The following FAF1 variants were observed in gnomAD, a reference collection of about 807,000 sequenced individuals.
FAF1 encodes FAS-associated factor 1.
A neutral mutation model predicts 92.5 loss-of-function variants in FAF1; 25 were observed. The ratio of observed to expected loss-of-function variants is 0.27; its 90% CI spans 0.20 to 0.38. FAF1 has a LOEUF of 0.38. Ranked by LOEUF, FAF1 falls within the 10% of genes least tolerant of loss-of-function variation. The pLI, the probability that FAF1 is intolerant of heterozygous loss-of-function variation, is 1.00. For synonymous variants in FAF1, 234 were observed against 273.2 expected, an observed-to-expected ratio of 0.86 and a Z score of 1.42; for missense variants, 636 against 793.3, an observed-to-expected ratio of 0.80 and a Z score of 2.38.
chr1:50,958,473 C>A (rs1372076857), intron 1 of FAF1, among the ~76,000 whole-genome samples: 1 of 152,046 alleles, frequency 6.6e-6, no homozygotes, highest in Non-Finnish European at 1.5e-5. Context: ...GTCAGGAGAT[C>A]AAGACCATCC....
intron 13 of FAF1, among the ~76,000 whole-genome samples, chr1:50,564,297 T>TTTTTTTTTTTTTTTTTTTTTTTTTTGA (rs1195965167): frequency 6.6e-6 from 1 of 152,036 alleles, no homozygotes; most frequent in Non-Finnish European, 1.5e-5. Flanking sequence ...TAAATTTTTA[T>TTTTTTTTTTTTTTTTTTTTTTTTTTGA]GGCCTGTCTG....
chr1:50,599,595 T>G (rs115432382), intron 8 of FAF1, among the ~76,000 whole-genome samples: 1,987 of 147,694 alleles, frequency 0.013, 43 homozygotes, highest in African/African-American at 0.049. Flanking sequence ...GTAATTTAAT[T>G]TATTTATTAA....
chr1:50,896,272 G>A (rs557235888), intron 1 of FAF1, among the ~76,000 whole-genome samples: 1 of 152,148 alleles, frequency 6.6e-6, no homozygotes, highest in Admixed American at 6.5e-5. Context: ...ATGATAGAGT[G>A]AGACCCTGTC....
At chr1:50,520,287 C>T (rs1647431299) in intron 15 of FAF1, among the ~76,000 whole-genome samples, 2 of 152,114 alleles carry the variant, frequency 1.3e-5, no homozygotes, top group Non-Finnish European at 2.9e-5. Context: ...CCAGATAATT[C>T]TCAGTATCCC....
At chr1:50,852,393 G>T (rs148647654) in intron 2 of FAF1, among the ~76,000 whole-genome samples, 1 of 152,256 alleles carries the variant, frequency 6.6e-6, no homozygotes, top group African/African-American at 2.4e-5. Context: ...TATTCATTAG[G>T]CAATTACTAT....
At chr1:50,829,015 A>T (rs1644129832) in intron 2 of FAF1, among the ~76,000 whole-genome samples, 1 of 152,244 alleles carries the variant, frequency 6.6e-6, no homozygotes, top group African/African-American at 2.4e-5. Context: ...ACAAGACAGC[A>T]TCCCCAAATG....
At chr1:50,834,989 G>C (rs1452543491) in intron 2 of FAF1, among the ~76,000 whole-genome samples, 1 of 152,106 alleles carries the variant, frequency 6.6e-6, no homozygotes, top group Non-Finnish European at 1.5e-5. Flanking sequence ...ACACAGCAAA[G>C]AAAGAAAGAC....
chr1:50,935,285 A>C (rs1196102687), intron 1 of FAF1, among the ~76,000 whole-genome samples: 1 of 152,244 alleles, frequency 6.6e-6, no homozygotes, highest in Non-Finnish European at 1.5e-5. Flanking sequence ...TCTAGGAAGG[A>C]TGATCATTAC....
chr1:50,862,021 G>A (rs1192373937), intron 1 of FAF1, among the ~76,000 whole-genome samples: 1 of 150,794 alleles, frequency 6.6e-6, no homozygotes, highest in African/African-American at 2.4e-5. Flanking sequence ...ACTAAGACAG[G>A]AACCACTTAT....
chr1:50,631,312 T>C (rs959771683), intron 8 of FAF1, among the ~76,000 whole-genome samples: 3 of 152,176 alleles, frequency 2.0e-5, no homozygotes, highest in African/African-American at 7.2e-5. Context: ...CCATACTAAG[T>C]AGCATGAGGA....
At chr1:50,491,386 A>G (rs573805368) in intron 16 of FAF1, among the ~76,000 whole-genome samples, 1 of 152,348 alleles carries the variant, frequency 6.6e-6, no homozygotes, top group Non-Finnish European at 1.5e-5. Flanking sequence ...GTGCTTAAGT[A>G]GTATTCAATA....
chr1:50,505,076 G>A (rs1647043278), intron 15 of FAF1, among the ~76,000 whole-genome samples: 1 of 152,128 alleles, frequency 6.6e-6, no homozygotes, highest in Non-Finnish European at 1.5e-5. Flanking sequence ...TTTGATTAAG[G>A]TAATATATCT....
chr1:50,788,108 C>T lies in FAF1; in HGVS notation c.259G>A (p.Val87Ile), dbSNP rs2124573404. 2 of 1,614,138 alleles carry T rather than the reference C, an allele frequency of 1.2e-6. No individual in the cohort carries two copies. Among genetic ancestry groups the T allele is most frequent in the South Asian group, 1.1e-5 (1 of 91,090 alleles). ...TCTACAATCTGCCTGGATGGCATTA[C>T]AGGTCGAAACGCTGAAGAAGAAGAG... Reference protein sequence around the residue: ...TSSSSSAFRPVMPSRQIVERQ... With the variant: ...TSSSSSAFRPIMPSRQIVERQ... Residue 87 changes from valine (V) to isoleucine (I), a missense_variant, in exon 4 of 19, where the codon GTA becomes ATA. By Grantham distance (29) the Val-to-Ile change is conservative. This residue lies in a region of FAF1 where 317 missense variants were observed against 342.4 expected (regional missense o/e 0.93). Transcript: ENST00000396153.
At chr1:50,863,614 T>C (rs528000930) in intron 1 of FAF1, among the ~76,000 whole-genome samples, 1 of 152,240 alleles carries the variant, frequency 6.6e-6, no homozygotes, top group African/African-American at 2.4e-5. Flanking sequence ...CAGTATTTTA[T>C]TGAGGATTCT....
At chr1:50,715,818 A>G (rs918055846) in intron 6 of FAF1, among the ~76,000 whole-genome samples, 1 of 152,190 alleles carries the variant, frequency 6.6e-6, no homozygotes, top group Non-Finnish European at 1.5e-5. Context: ...CACATTTTTT[A>G]AAAAGGGGAA....
At chr1:50,838,707 T>G (rs1242066641) in intron 2 of FAF1, among the ~76,000 whole-genome samples, 1 of 151,914 alleles carries the variant, frequency 6.6e-6, no homozygotes, top group African/African-American at 2.4e-5. Context: ...AATAATGTAA[T>G]TTTCTCTCAG....
intron 8 of FAF1, among the ~76,000 whole-genome samples, chr1:50,637,985 C>T (rs1442698480): frequency 2.0e-5 from 3 of 151,566 alleles, no homozygotes; most frequent in Non-Finnish European, 4.4e-5. Flanking sequence ...AATTTCTCTC[C>T]AATTATTTGC....
chr1:50,770,070 C>G (rs555825732), intron 4 of FAF1, among the ~76,000 whole-genome samples: 5 of 151,910 alleles, frequency 3.3e-5, no homozygotes, highest in Admixed American at 6.6e-5. Context: ...AACAAAAAAC[C>G]TTCAACAAAC....
At chr1:50,580,185 A>T (rs534000061) in intron 12 of FAF1, among the ~76,000 whole-genome samples, 1 of 152,058 alleles carries the variant, frequency 6.6e-6, no homozygotes, top group African/African-American at 2.4e-5. Flanking sequence ...AATTATTTAT[A>T]TTTATTTTAT....
Sources: allele counts gnomAD v4.1 joint callset (sites outside exome capture counted in the v4.1 genomes callset), GRCh38; gene constraint gnomAD v4.1.1; regional missense constraint gnomAD v4.1.1; transcripts MANE v1.5; gene names NCBI Gene and HGNC (gene_info 2026-07-23, HGNC 2026-07-21).